ELOC: variants seen among roughly 807,000 people sequenced by gnomAD.
The protein encoded by ELOC is elongin C, also known as elongin-C.
For synonymous variants in ELOC, 40 were observed against 51.3 expected, an observed-to-expected ratio of 0.78 and a Z score of 0.94; for missense variants, 38 against 139.0, an observed-to-expected ratio of 0.27 and a Z score of 3.65.
At chr8:73,954,784 C>T (rs956283633) in intron 3 of ELOC, among the ~76,000 whole-genome samples, 10 of 151,600 alleles carry the variant, frequency 6.6e-5, no homozygotes, top group Non-Finnish European at 1.2e-4. Context: ...ATAATCCCTG[C>T]ACTTTGGGAG....
chr8:73,964,216 A>G (rs979696001), intron 1 of ELOC, among the ~76,000 whole-genome samples: 1 of 148,696 alleles, frequency 6.7e-6, no homozygotes, highest in Non-Finnish European at 1.5e-5. Flanking sequence ...TTGGTGGGCT[A>G]CAGTTGTTTC....
intron 1 of ELOC, 59 bp from the exon 2 acceptor site, chr8:73,959,877 C>T: frequency 2.2e-6 from 2 of 920,550 alleles, no homozygotes; most frequent in Non-Finnish European, 3.1e-6. Flanking sequence ...TTTTCATTCA[C>T]TGTTATTTAA....
chr8:73,951,647 CACAACAACA>C (rs71269967), intron 3 of ELOC, among the ~76,000 whole-genome samples: 109 of 149,920 alleles, frequency 7.3e-4, no homozygotes, highest in African/African-American at 2.0e-3. Flanking sequence ...CAAAAAACCC[CACAACAACA>C]ACAACAACAA....
chr8:73,959,025 G>T (rs1418826085), intron 2 of ELOC, among the ~76,000 whole-genome samples: 2 of 152,122 alleles, frequency 1.3e-5, no homozygotes, highest in Non-Finnish European at 2.9e-5. Flanking sequence ...AAGTATTTGT[G>T]TATCTAAACA....
rs537482932 is a variant in ELOC, at chr8:73,969,626, C to T, written c.-51+2451G>A. 3 of 152,330 alleles carry T rather than the reference C, an allele frequency of 2.0e-5. No individual in the cohort carries two copies. The South Asian group carries it at 6.2e-4, about 32-fold the overall frequency. 9.4% of individuals were successfully genotyped at this position (152,330 alleles called of 1,614,324 possible). A position where few individuals can be genotyped will look rare whatever the true frequency, so the allele number is the denominator to read the frequency against. ...TTTTAAATCCTCATCATTTAGGTCT[C>T]CAGGTAAAACATCAACTCCTCAGAG... On this transcript the variant is annotated intron_variant, in intron 1 of 3. Coordinates refer to ENST00000520242, the MANE Select transcript of ELOC (RefSeq NM_005648.4).
In ELOC at chr8:73,957,033, C is replaced by A. The variant is rs570229798; in HGVS notation, c.5-979G>T. Among the ~76,000 whole-genome samples, 9 of 151,928 alleles carry A rather than the reference C, an allele frequency of 5.9e-5. No homozygotes were observed. The South Asian group carries it at 1.5e-3, about 25-fold the overall frequency. On this transcript the variant is annotated intron_variant, in intron 2 of 3. Coordinates refer to ENST00000520242, the MANE Select transcript of ELOC (RefSeq NM_005648.4). The stretch of plus-strand genomic sequence containing the variant: ...AAAAATACAAAAAAAATTAGCTGGG[C>A]GTGGTGGCGGGTGCCTGTAGTCCCA...
rs182845424 is a variant in ELOC at position 73,950,317 on chromosome 8, A to G, written c.149-3497T>C. On this transcript the variant is annotated intron_variant, in intron 3 of 3. Transcript: ENST00000520242. ...CAACAGACTGAAAAACATGAAATAT[A>G]GTCATGAATTCATGATGACATTCAC... Among the ~76,000 whole-genome samples, 79 of 152,340 alleles carry G rather than the reference A, an allele frequency of 5.2e-4. 1 individual carries two copies. The highest frequency in any genetic ancestry group is 5.0e-4 in the Non-Finnish European group (34 of 68,028).
chr8:73,958,859 G>T (rs1814391229), intron 2 of ELOC, among the ~76,000 whole-genome samples: 1 of 152,088 alleles, frequency 6.6e-6, no homozygotes, highest in South Asian at 2.1e-4. Context: ...TGCATCATTA[G>T]GCAATCTTAT....
intron 3 of ELOC, among the ~76,000 whole-genome samples, chr8:73,949,618 C>A (rs57014813): frequency 0.065 from 9,927 of 152,266 alleles, 483 homozygotes; most frequent in Admixed American, 0.16. Context: ...ATGGATTTAC[C>A]TACTCTGGAT....
chr8:73,967,427 T>C (rs1024730210), intron 1 of ELOC, among the ~76,000 whole-genome samples: 1 of 150,888 alleles, frequency 6.6e-6, no homozygotes, highest in Non-Finnish European at 1.5e-5. Flanking sequence ...CAAAACTTTA[T>C]TTATGGGCAA....
chr8:73,958,241 C>T (rs989084282), intron 2 of ELOC, among the ~76,000 whole-genome samples: 1 of 152,094 alleles, frequency 6.6e-6, no homozygotes, highest in Non-Finnish European at 1.5e-5. Flanking sequence ...AATAGGCGTG[C>T]ACCACCATGC....
chr8:73,963,451 TATG>T (rs1298085894), intron 1 of ELOC, among the ~76,000 whole-genome samples: 3 of 152,222 alleles, frequency 2.0e-5, no homozygotes, highest in African/African-American at 7.2e-5. Context: ...TCTGTTTTAC[TATG>T]ATATTTTCTG....
chr8:73,959,596 C>T (rs571352657), intron 2 of ELOC, among the ~76,000 whole-genome samples, 169 bp downstream of exon 2: 84 of 152,138 alleles, frequency 5.5e-4, no homozygotes, highest in African/African-American at 1.9e-3. Flanking sequence ...CAACACTGAC[C>T]GAAAAATCAT....
intron 2 of ELOC, among the ~76,000 whole-genome samples, chr8:73,956,275 C>G (rs1460412022): frequency 1.3e-5 from 2 of 152,072 alleles, no homozygotes; most frequent in African/African-American, 2.4e-5. Context: ...ATCTCAGCTA[C>G]TCGGGAGGCT....
intron 2 of ELOC, among the ~76,000 whole-genome samples, chr8:73,958,721 T>C (rs935498082): frequency 6.6e-6 from 1 of 152,220 alleles, no homozygotes; most frequent in Non-Finnish European, 1.5e-5. Context: ...GAGTTTCAAA[T>C]TTCTTAAGGT....
At chr8:73,954,743 G>A (rs1408387178) in intron 3 of ELOC, among the ~76,000 whole-genome samples, 2 of 150,934 alleles carry the variant, frequency 1.3e-5, no homozygotes, top group East Asian at 3.9e-4. Context: ...TTAAAAGGCT[G>A]ACTATGGGCC....
At chr8:73,971,344 C>G (rs1164400348) in intron 1 of ELOC, among the ~76,000 whole-genome samples, 1 of 152,144 alleles carries the variant, frequency 6.6e-6, no homozygotes, top group Non-Finnish European at 1.5e-5. Context: ...GAGGTTGCAG[C>G]AAGCTGAAAA....
intron 2 of ELOC, among the ~76,000 whole-genome samples, chr8:73,959,449 T>C (rs146224241): frequency 1.1e-3 from 167 of 152,302 alleles, no homozygotes; most frequent in African/African-American, 3.8e-3. Context: ...TTTTTAAATT[T>C]TTTTGTTAAA....
chr8:73,949,249 G>A (rs7830335), intron 3 of ELOC, among the ~76,000 whole-genome samples: 46,997 of 152,000 alleles, frequency 0.31, 7,500 homozygotes, highest in Admixed American at 0.39. Context: ...GGAGTACTGC[G>A]GGACTCAGCA....
Sources: gnomAD v4.1 joint callset for allele counts (sites outside exome capture counted in the v4.1 genomes callset) on GRCh38, gnomAD v4.1.1 for gene constraint, MANE v1.5 for transcripts, NCBI Gene and HGNC (gene_info 2026-07-23, HGNC 2026-07-21) for gene names.